Variants in ROBO2 observed in about 807,000 individuals in gnomAD.
ROBO2 encodes roundabout homolog 2.
Under a neutral mutation model 160.8 loss-of-function variants are expected in ROBO2, and 53 were observed. The ratio of observed to expected loss-of-function variants is 0.33; its 90% CI spans 0.26 to 0.41. The LOEUF (loss-of-function observed/expected upper bound fraction) is 0.41, where lower values mean the gene tolerates loss of function less well. Among genes scored for constraint, ROBO2 ranks in the 10% least tolerant of loss-of-function variants. The pLI, the probability that ROBO2 is intolerant of heterozygous loss-of-function variation, is 1.00. For missense variants in ROBO2, 1,577 were observed against 1,722.4 expected (o/e 0.92, Z 1.49); for synonymous variants, 664 against 611.7 (o/e 1.09, Z -1.26).
intron 2 of ROBO2, among the ~76,000 whole-genome samples, chr3:77,150,812 C>A (rs370430178): frequency 6.6e-6 from 1 of 151,104 alleles, no homozygotes; most frequent in African/African-American, 2.4e-5. Context: ...TATTATAAAG[C>A]AAAGCAAATA....
At position 76,232,424 on chromosome 3, in the gene ROBO2, C is replaced by T. The variant is rs138867535; in HGVS notation, c.109+294822C>T. ...GGCACTATTGCTGCAACAGCAACAACGTATTTGAACCTGTAATCATTTCTA... is the reference window on the plus strand; with the variant it reads ...GGCACTATTGCTGCAACAGCAACAATGTATTTGAACCTGTAATCATTTCTA... On this transcript the variant is annotated intron_variant, in intron 2 of 26. Transcript: ENST00000487694. Among the ~76,000 whole-genome samples the T allele has an allele frequency of 7.2e-5, 11 of 152,236 alleles. No individual in the cohort carries two copies. The East Asian group carries it at 1.5e-3, about 21-fold the overall frequency.
intron 2 of ROBO2, among the ~76,000 whole-genome samples, chr3:76,468,405 C>T (rs1316929983): frequency 6.6e-6 from 1 of 152,068 alleles, no homozygotes; most frequent in Non-Finnish European, 1.5e-5. Context: ...CCTTAAAGCA[C>T]ACTCTCCAAT....
At chr3:76,450,098 G>T (rs2077402315) in intron 2 of ROBO2, among the ~76,000 whole-genome samples, 1 of 152,256 alleles carries the variant, frequency 6.6e-6, no homozygotes, top group South Asian at 2.1e-4. Context: ...CAGACGTTTG[G>T]AAGAAGAGTA....
intron 2 of ROBO2, among the ~76,000 whole-genome samples, chr3:76,257,397 C>T (rs968853100): frequency 9.2e-5 from 14 of 152,102 alleles, no homozygotes; most frequent in African/African-American, 3.4e-4. Flanking sequence ...ATCTACTTGG[C>T]CCTAAACTTT....
At chr3:77,285,494 G>T (rs2060524097) in intron 2 of ROBO2, among the ~76,000 whole-genome samples, 1 of 151,984 alleles carries the variant, frequency 6.6e-6, no homozygotes, top group Non-Finnish European at 1.5e-5. Context: ...TAAGAAAATG[G>T]GACTCTCCTT....
intron 2 of ROBO2, among the ~76,000 whole-genome samples, chr3:76,361,418 G>A (rs537965168): frequency 6.6e-5 from 10 of 152,136 alleles, no homozygotes; most frequent in African/African-American, 2.4e-4. Flanking sequence ...CATTCTATAT[G>A]CACTGTGATT....
At chr3:77,255,448 T>C (rs1485244332) in intron 2 of ROBO2, among the ~76,000 whole-genome samples, 1 of 152,172 alleles carries the variant, frequency 6.6e-6, no homozygotes, top group East Asian at 1.9e-4. Context: ...TGTGGTGGTA[T>C]GTATATTTCA....
At chr3:77,079,288 T>C (rs1017829686) in intron 1 of ROBO2, among the ~76,000 whole-genome samples, 1 of 152,226 alleles carries the variant, frequency 6.6e-6, no homozygotes, top group East Asian at 1.9e-4. Context: ...TACTTTGTGT[T>C]ATACTTTATG....
At chr3:76,522,883 A>G (rs571094703) in intron 2 of ROBO2, among the ~76,000 whole-genome samples, 22 of 151,762 alleles carry the variant, frequency 1.4e-4, no homozygotes, top group Admixed American at 2.6e-4. Context: ...TCATTTCCAT[A>G]TTAGTTTATC....
chr3:76,979,966 T>A (rs1477712454), intron 2 of ROBO2, among the ~76,000 whole-genome samples: 15 of 150,404 alleles, frequency 1.0e-4, no homozygotes, highest in Non-Finnish European at 1.9e-4. Flanking sequence ...AAAAAAAAAA[T>A]GTCTTTGCTG....
At chr3:76,208,099 T>TGAGG (rs1406965920) in intron 2 of ROBO2, among the ~76,000 whole-genome samples, 1 of 152,162 alleles carries the variant, frequency 6.6e-6, no homozygotes, top group Non-Finnish European at 1.5e-5. Context: ...GTAAGTTTCC[T>TGAGG]GAGGCTTTCC....
At chr3:77,254,094 A>G (rs73103988) in intron 2 of ROBO2, among the ~76,000 whole-genome samples, 2,118 of 152,270 alleles carry the variant, frequency 0.014, 22 homozygotes, top group Middle Eastern at 0.027. Context: ...GCGAGACCCT[A>G]TCTCTACAAA....
chr3:76,870,258 G>A (rs1426551336), intron 2 of ROBO2, among the ~76,000 whole-genome samples: 2 of 152,108 alleles, frequency 1.3e-5, no homozygotes, highest in Non-Finnish European at 2.9e-5. Context: ...CTACATCTCC[G>A]AGAAAGATTT....
chr3:77,322,306 G>T (rs998825673), intron 2 of ROBO2, among the ~76,000 whole-genome samples: 7 of 152,046 alleles, frequency 4.6e-5, no homozygotes, highest in African/African-American at 1.7e-4. Flanking sequence ...TTGTATGACT[G>T]GAAAAAAATC....
chr3:77,345,853 A>G (rs1223955777), intron 2 of ROBO2, among the ~76,000 whole-genome samples: 41 of 152,232 alleles, frequency 2.7e-4, no homozygotes, highest in Non-Finnish European at 5.9e-5. Flanking sequence ...TTAACAGTCA[A>G]TTTGCTCTGT....
intron 7 of ROBO2, 115 bp downstream of exon 8, chr3:77,546,577 GAA>G (rs2092706366): frequency 2.3e-6 from 3 of 1,323,084 alleles, no homozygotes; most frequent in Non-Finnish European, 3.2e-6. Flanking sequence ...TTTTATTTCT[GAA>G]AAAGAGACTG....
intron 2 of ROBO2, among the ~76,000 whole-genome samples, chr3:76,731,113 C>A (rs2093631807): frequency 6.6e-6 from 1 of 152,174 alleles, no homozygotes; most frequent in African/African-American, 2.4e-5. Context: ...CTCAGTGATC[C>A]CTTAACTTTC....
intron 2 of ROBO2, among the ~76,000 whole-genome samples, chr3:76,197,530 G>A (rs940480492): frequency 6.6e-5 from 10 of 152,074 alleles, no homozygotes; most frequent in Non-Finnish European, 1.5e-4. Context: ...ATAATCCACC[G>A]AGTTAATCAA....
intron 2 of ROBO2, among the ~76,000 whole-genome samples, chr3:77,477,210 A>G (rs763590969): frequency 2.6e-5 from 4 of 152,182 alleles, no homozygotes; most frequent in Non-Finnish European, 1.5e-5. Flanking sequence ...CCAAAGGTGC[A>G]TGATAATTTA....
Sources: gnomAD v4.1 joint callset for allele counts (sites outside exome capture counted in the v4.1 genomes callset) on GRCh38, gnomAD v4.1.1 for gene constraint, MANE v1.5 for transcripts, NCBI Gene and HGNC (gene_info 2026-07-23, HGNC 2026-07-21) for gene names.